Variants in ZNF528 observed in about 807,000 individuals in gnomAD.
The protein encoded by ZNF528 is zinc finger protein 528.
A neutral mutation model predicts 13.3 loss-of-function variants in ZNF528; 9 were observed. The observed-to-expected ratio is 0.67, with a 90% CI of 0.41 to 1.18. The LOEUF is 1.18. Ranked by LOEUF, ZNF528 falls within the 50% of genes most tolerant of loss-of-function variation. The pLI is 0.01. For synonymous variants in ZNF528, 264 were observed against 254.3 expected, an observed-to-expected ratio of 1.04 and a Z score of -0.36; for missense variants, 858 against 745.4, an observed-to-expected ratio of 1.15 and a Z score of -1.76.
In ZNF528 at chr19:52,401,664, T is replaced by G; in HGVS notation, c.-136-21T>G. On this transcript the variant is annotated intron_variant, in intron 2 of 6. Coordinates refer to ENST00000360465, the MANE Select transcript of ZNF528 (RefSeq NM_032423.3). The stretch of plus-strand genomic sequence containing the variant: ...GTTTATTACCACATGAAGAATTGCT[T>G]TTTTTTTTTTTTTTTTTTAGGTTCA... 8.8e-6 allele frequency: 6 copies of G among 682,098 alleles called. No individual in the cohort carries two copies. The African/African-American group carries it at 1.6e-4, about 19-fold the overall frequency. The allele number at this position is 682,098 out of a possible 1,614,324, so 42.3% of individuals were successfully genotyped here.
At chr19:52,406,931 C>T in intron 6 of ZNF528, 1 of 392,102 alleles carries the variant, frequency 2.6e-6, no homozygotes. Flanking sequence ...TCTGAACAGA[C>T]ATTTTTCTTT....
intron 2 of ZNF528, among the ~76,000 whole-genome samples, chr19:52,400,835 T>G (rs2058785490): frequency 6.6e-6 from 1 of 152,196 alleles, no homozygotes; most frequent in African/African-American, 2.4e-5. Context: ...TAAATCTGAC[T>G]TTGAATTTTC....
In ZNF528 at chr19:52,406,014, T is replaced by C. The variant is rs373661269; in HGVS notation, c.123T>C (p.Tyr41=). ...TLYRDVMLEN[Y]RNLVSLGICL... ...ACAGGGACGTGATGTTGGAGAATTA[T>C]AGGAACCTGGTCTCCCTGGGTGAGG... Residue 41 remains tyrosine (Y), a synonymous_variant, in exon 5 of 7, where the codon TAT becomes TAC. Transcript: ENST00000360465. The C allele has an allele frequency of 6.2e-7, 1 of 1,610,764 alleles. No homozygotes were observed. Among genetic ancestry groups the C allele is most frequent in the Non-Finnish European group, 8.5e-7 (1 of 1,177,782 alleles).
chr19:52,406,254 A>G (rs2290747), intron 5 of ZNF528, among the ~76,000 whole-genome samples: 19,982 of 152,162 alleles, frequency 0.13, 1,500 homozygotes, highest in East Asian at 0.3. Context: ...GGGCCGAAGT[A>G]TGCAGGAAAC....
At position 52,415,885 on chromosome 19, in the gene ZNF528, A is replaced by G. The variant is rs763220654; in HGVS notation, c.1033A>G (p.Thr345Ala). ...CCATTCATATCTAGCAGAACATCAA[A>G]CGGTTCATACTGGTGAGAAACCTTA... ...SRHSYLAEHQ[T>A]VHTGEKPYKC... is the part of the protein sequence containing the mutation. The change falls in exon 7 of 7, where the codon ACG (threonine) becomes GCG (alanine). Residue 345 changes from threonine to alanine, a missense_variant. Transcript: ENST00000360465. 3.7e-6 allele frequency: 6 copies of G among 1,613,996 alleles called. No individual in the cohort carries two copies. The South Asian group carries it at 6.6e-5, about 18-fold the overall frequency.
At chr19:52,407,679 G>A (rs1030933985) in intron 6 of ZNF528, among the ~76,000 whole-genome samples, 3 of 152,100 alleles carry the variant, frequency 2.0e-5, no homozygotes, top group East Asian at 3.9e-4. Flanking sequence ...AGGAGGCTGA[G>A]GCAGGAGAAT....
chr19:52,415,276 A>T lies in ZNF528; in HGVS notation c.424A>T (p.Asn142Tyr), dbSNP rs762923260. ...CKHFEKPVSDNSSVSPLEKIS... is the reference protein window; with the variant it reads ...CKHFEKPVSDYSSVSPLEKIS... The stretch of plus-strand genomic sequence containing the variant: ...GCATTTTGAAAAACCCGTCAGTGAC[A>T]ATTCCTCAGTTTCACCGCTTGAAAA... Residue 142 changes from asparagine (N) to tyrosine (Y), a missense_variant, in exon 7 of 7, where the codon AAT becomes TAT. Physicochemically the swap from Asn to Tyr is moderately radical, Grantham distance 143. Coordinates refer to ENST00000360465, the MANE Select transcript of ZNF528 (RefSeq NM_032423.3). 3.1e-6 allele frequency: 5 copies of T among 1,613,970 alleles called. No homozygotes were observed. The Admixed American group carries it at 6.7e-5, about 22-fold the overall frequency.
intron 2 of ZNF528, among the ~76,000 whole-genome samples, chr19:52,399,319 A>G (rs79085387): frequency 6.6e-6 from 1 of 152,176 alleles, no homozygotes; most frequent in African/African-American, 2.4e-5. Flanking sequence ...AAATTTGTTT[A>G]GAACACATGA....
chr19:52,402,176 C>T (rs1224030986), intron 4 of ZNF528, 148 bp downstream of exon 4: 1 of 1,179,152 alleles, frequency 8.5e-7, no homozygotes, highest in Non-Finnish European at 1.2e-6. Flanking sequence ...TTCATTTCCG[C>T]TTGAGATTTC....
Position 52,416,339 on chromosome 19 carries a change from A to G in ZNF528, c.1487A>G (p.Asn496Ser). Reference protein sequence around the residue: ...IHTGEKPYKCNRCGKVFSRSS... With the variant: ...IHTGEKPYKCSRCGKVFSRSS... The stretch of plus-strand genomic sequence containing the variant: ...ACTGGAGAGAAGCCTTACAAATGTA[A>G]CAGATGTGGCAAGGTCTTCAGTCGC... Residue 496 changes from asparagine to serine, a missense_variant, in exon 7 of 7, where the codon AAC (asparagine) becomes AGC (serine). Physicochemically the swap from Asn to Ser is conservative, Grantham distance 46. Coordinates refer to ENST00000360465, the MANE Select transcript of ZNF528 (RefSeq NM_032423.3). 5 of 1,614,084 alleles carry G rather than the reference A, an allele frequency of 3.1e-6. No individual in the cohort carries two copies. The highest frequency in any genetic ancestry group is 4.2e-6 in the Non-Finnish European group (5 of 1,179,940).
chr19:52,406,661 C>G lies in ZNF528; in HGVS notation c.271+18C>G. 1 of 1,600,418 alleles carries G rather than the reference C, an allele frequency of 6.2e-7. No individual in the cohort carries two copies. On this transcript the variant is annotated intron_variant, in intron 6 of 6. Coordinates refer to ENST00000360465, the MANE Select transcript of ZNF528 (RefSeq NM_032423.3). ...GAACACAGGTGAGAGCTCGGGTGGG[C>G]AGAGTGGAGGCCCCATAATTTTTGT...
intron 6 of ZNF528, chr19:52,414,619 A>G (rs958864238): frequency 4.8e-6 from 2 of 415,882 alleles, no homozygotes; most frequent in Non-Finnish European, 8.9e-6. Flanking sequence ...TTCTGGTGTC[A>G]GGCGCAGTCG....
At chr19:52,407,949 G>A (rs2058879371) in intron 6 of ZNF528, among the ~76,000 whole-genome samples, 1 of 151,962 alleles carries the variant, frequency 6.6e-6, no homozygotes, top group Non-Finnish European at 1.5e-5. Context: ...CTGGCCTCAT[G>A]TGATTAGCCC....
Position 52,417,935 on chromosome 19 carries a change from G to A in ZNF528, c.*1196G>A, listed in dbSNP as rs1049381776. On this transcript the variant is annotated 3_prime_UTR_variant, in exon 7 of 7. Coordinates refer to ENST00000360465, the MANE Select transcript of ZNF528 (RefSeq NM_032423.3). ...CCAGCCTCATTTTTGAAATGGAATAGAGAACAGTTATATCACAGTTGAGAG... is the reference window on the plus strand; with the variant it reads ...CCAGCCTCATTTTTGAAATGGAATAAAGAACAGTTATATCACAGTTGAGAG... 6.6e-6 allele frequency: 1 copy of A among 152,092 alleles called. No homozygotes were observed. Among genetic ancestry groups the A allele is most frequent in the East Asian group, 1.9e-4 (1 of 5,172 alleles). 9.4% of individuals were successfully genotyped at this position (152,092 alleles called of 1,614,324 possible).
Position 52,416,326 on chromosome 19 carries a change from C to A in ZNF528, c.1474C>A (p.Pro492Thr), listed in dbSNP as rs756263418. The change falls in exon 7 of 7, where the codon CCT becomes ACT. Residue 492 changes from proline to threonine, a missense_variant. Transcript: ENST00000360465. ...SHHRIHTGEK[P>T]YKCNRCGKVF... ...TCATAGAATTCATACTGGAGAGAAG[C>A]CTTACAAATGTAACAGATGTGGCAA... 1.2e-6 allele frequency: 2 copies of A among 1,614,092 alleles called. No individual in the cohort carries two copies. Among genetic ancestry groups the A allele is most frequent in the Non-Finnish European group, 1.7e-6 (2 of 1,179,976 alleles).
Position 52,415,091 on chromosome 19 carries a change from G to A in ZNF528, c.272-33G>A, listed in dbSNP as rs202215859. 13 of 1,610,900 alleles carry A rather than the reference G, an allele frequency of 8.1e-6. No homozygotes were observed. In the African/African-American group the frequency reaches 1.1e-4, roughly 13 times the overall value. ...AGACACTAAAGATGCCATTATCATG[G>A]GTTGAAGTTCCACTTTTTTCTTTCT... On this transcript the variant is annotated intron_variant, in intron 6 of 6. Transcript: ENST00000360465.
chr19:52,402,306 TG>T, intron 4 of ZNF528: 2 of 582,264 alleles, frequency 3.4e-6, no homozygotes, highest in Non-Finnish European at 3.1e-6. Flanking sequence ...GCAGTGCTGC[TG>T]GGCAGCAGGG....
chr19:52,400,252 A>G (rs2058776341), intron 2 of ZNF528, among the ~76,000 whole-genome samples: 1 of 151,382 alleles, frequency 6.6e-6, no homozygotes, highest in Non-Finnish European at 1.5e-5. Flanking sequence ...ACACACACAC[A>G]CACACACACA....
chr19:52,410,500 T>C (rs959468807), intron 6 of ZNF528, among the ~76,000 whole-genome samples: 3 of 152,186 alleles, frequency 2.0e-5, no homozygotes, highest in Non-Finnish European at 4.4e-5. Context: ...GTAGGCGCAG[T>C]CATGAGTTTG....
Sources: gnomAD v4.1 joint callset for allele counts (sites outside exome capture counted in the v4.1 genomes callset) on GRCh38, gnomAD v4.1.1 for gene constraint, MANE v1.5 for transcripts, NCBI Gene and HGNC (gene_info 2026-07-23, HGNC 2026-07-21) for gene names.